The following SEM1 variants were observed in gnomAD, a reference collection of about 807,000 sequenced individuals.
The protein encoded by SEM1 is SEM1 26S proteasome subunit.
A neutral mutation model predicts 12.7 loss-of-function variants in SEM1; 3 were observed. The observed-to-expected ratio is 0.24, with a 90% CI of 0.11 to 0.61. The LOEUF (loss-of-function observed/expected upper bound fraction) is 0.61. SEM1 is among the 20% of genes least tolerant of loss of function. The pLI is 0.88. For synonymous variants in SEM1, 30 were observed against 27.8 expected (o/e 1.08, Z -0.25); for missense variants, 59 against 81.3 (o/e 0.73, Z 1.06).
chr7:96,585,839 G>T (rs565976527), intron 2 of SEM1, among the ~76,000 whole-genome samples: 3 of 152,232 alleles, frequency 2.0e-5, no homozygotes, highest in East Asian at 3.9e-4. Context: ...CACACGGTGC[G>T]CGCACCCACT....
intron 1 of SEM1, among the ~76,000 whole-genome samples, chr7:96,495,478 A>G (rs1195438728): frequency 3.3e-5 from 5 of 152,146 alleles, no homozygotes; most frequent in African/African-American, 4.8e-5. Context: ...GTGCTGTTCT[A>G]GCCACTACTG....
At chr7:96,484,068 C>A in intron 3 of SEM1, 2 of 1,291,258 alleles carry the variant, frequency 1.5e-6, no homozygotes, top group Non-Finnish European at 2.1e-6. Context: ...TCAATCTTCA[C>A]AACAACCCTA....
intron 2 of SEM1, among the ~76,000 whole-genome samples, chr7:96,625,236 T>C (rs1808024948): frequency 6.6e-6 from 1 of 152,184 alleles, no homozygotes; most frequent in South Asian, 2.1e-4. Context: ...CTACAAGCAA[T>C]TCACACTTTA....
At chr7:96,655,633 C>A (rs565816013) in intron 2 of SEM1, among the ~76,000 whole-genome samples, 9 of 152,182 alleles carry the variant, frequency 5.9e-5, no homozygotes, top group Admixed American at 4.6e-4. Context: ...CATCTCTCCA[C>A]ACCCGTGAAC....
At position 96,564,688 on chromosome 7, in the gene SEM1, A is replaced by T. The variant is rs144142535; in HGVS notation, c.171-57990T>A. ...ATTTCCTAAGTACTTTATGTAACAG[A>T]TCCACTATCTAGTCTTGGACACCCT... On this transcript the variant is annotated intron_variant and NMD_transcript_variant, in intron 2 of 3. Coordinates refer to the SEM1 transcript ENST00000466986. Among the ~76,000 whole-genome samples, 43 of 152,172 alleles carry T rather than the reference A, an allele frequency of 2.8e-4. No homozygotes were observed. The East Asian group carries it at 8.3e-3, about 29-fold the overall frequency.
chr7:96,587,852 A>G (rs944447774), intron 2 of SEM1, among the ~76,000 whole-genome samples: 2 of 152,210 alleles, frequency 1.3e-5, no homozygotes, highest in East Asian at 3.9e-4. Context: ...TGTTCAATAA[A>G]TTTGACATCT....
intron 2 of SEM1, among the ~76,000 whole-genome samples, chr7:96,520,515 G>A (rs1804235149): frequency 6.6e-6 from 1 of 152,076 alleles, no homozygotes; most frequent in South Asian, 2.1e-4. Flanking sequence ...GTTCACACCT[G>A]AAAATAATCT....
intron 2 of SEM1, among the ~76,000 whole-genome samples, chr7:96,594,798 T>G (rs1431170940): frequency 6.6e-6 from 1 of 151,816 alleles, no homozygotes; most frequent in African/African-American, 2.4e-5. Flanking sequence ...AAAAGAAAAT[T>G]CAGAAAAAAT....
intron 2 of SEM1, among the ~76,000 whole-genome samples, chr7:96,584,590 C>G (rs1021274865): frequency 5.3e-5 from 8 of 151,774 alleles, no homozygotes; most frequent in Admixed American, 2.6e-4. Flanking sequence ...TTCTCCCCGT[C>G]ACTTTCAGGT....
At chr7:96,664,050 G>A (rs992332655) in intron 2 of SEM1, 1 of 152,170 alleles carries the variant, frequency 6.6e-6, no homozygotes. Flanking sequence ...ATTGCCTTGG[G>A]AAATCAGTGT....
chr7:96,650,185 G>A (rs992069518), intron 2 of SEM1: 2 of 312,362 alleles, frequency 6.4e-6, no homozygotes, highest in Non-Finnish European at 1.2e-5. Flanking sequence ...AAAGGCAGAG[G>A]TTTCCATAAC....
rs1256722852 is a variant in SEM1 at position 96,652,280 on chromosome 7, C to T, written c.171-29637G>A. ...TTTGTATTTCTTCTGTTGTATATTG[C>T]CTGTTCATGTCTGTTGCCCATTTGT... On this transcript the variant is annotated intron_variant, in intron 2 of 2. Transcript: ENST00000417009. Among the ~76,000 whole-genome samples the T allele has an allele frequency of 2.0e-5, 3 of 151,764 alleles. No individual in the cohort carries two copies. The South Asian group carries it at 6.2e-4, about 32-fold the overall frequency.
At chr7:96,596,563 T>C (rs546547761) in intron 2 of SEM1, among the ~76,000 whole-genome samples, 1 of 152,206 alleles carries the variant, frequency 6.6e-6, no homozygotes, top group African/African-American at 2.4e-5. Context: ...TCTCCCCGGG[T>C]AATAATTTCT....
intron 2 of SEM1, among the ~76,000 whole-genome samples, chr7:96,523,237 C>T (rs1804342747): frequency 6.6e-6 from 1 of 152,072 alleles, no homozygotes; most frequent in South Asian, 2.1e-4. Flanking sequence ...TTGACATAAA[C>T]TTATTGAGAT....
intron 2 of SEM1, among the ~76,000 whole-genome samples, chr7:96,576,889 G>A (rs990463043): frequency 6.6e-5 from 10 of 152,066 alleles, no homozygotes; most frequent in African/African-American, 1.9e-4. Context: ...AGGCCGAGGC[G>A]GGTGGATCAC....
chr7:96,570,006 T>C (rs1805968354), intron 2 of SEM1, among the ~76,000 whole-genome samples: 1 of 152,104 alleles, frequency 6.6e-6, no homozygotes, highest in Non-Finnish European at 1.5e-5. Flanking sequence ...AGGTACCTTT[T>C]TGATAACGAT....
chr7:96,572,102 T>C (rs1350969167), intron 2 of SEM1, among the ~76,000 whole-genome samples: 1 of 152,196 alleles, frequency 6.6e-6, no homozygotes, highest in African/African-American at 2.4e-5. Context: ...CTGATGGTAG[T>C]TTGTATTTCT....
At chr7:96,579,048 A>G (rs1806298083) in intron 2 of SEM1, among the ~76,000 whole-genome samples, 1 of 152,214 alleles carries the variant, frequency 6.6e-6, no homozygotes, top group Non-Finnish European at 1.5e-5. Context: ...CGTCTCTTAA[A>G]TCTTGACATA....
intron 2 of SEM1, among the ~76,000 whole-genome samples, chr7:96,532,690 C>T (rs922897812): frequency 3.9e-5 from 6 of 152,054 alleles, no homozygotes; most frequent in African/African-American, 1.4e-4. Context: ...AGTTAACTGA[C>T]AGAATTTGTT....
Sources: gnomAD v4.1 joint callset for allele counts (sites outside exome capture counted in the v4.1 genomes callset) on GRCh38, gnomAD v4.1.1 for gene constraint, MANE v1.5 for transcripts, NCBI Gene and HGNC (gene_info 2026-07-23, HGNC 2026-07-21) for gene names.